TRPM6: variants seen among roughly 807,000 people sequenced by gnomAD.
TRPM6 encodes channel kinase 2.
A neutral mutation model predicts 247.6 loss-of-function variants in TRPM6; 111 were observed. The observed-to-expected ratio is 0.45, with a 90% CI of 0.38 to 0.52. TRPM6 has a LOEUF of 0.52. Ranked by LOEUF, TRPM6 falls within the 20% of genes least tolerant of loss-of-function variation. TRPM6 has a pLI of 0.00. For missense variants in TRPM6, 2,126 were observed against 2,421.5 expected, an observed-to-expected ratio of 0.88 and a Z score of 2.56; for synonymous variants, 892 against 853.8, an observed-to-expected ratio of 1.04 and a Z score of -0.78.
intron 3 of TRPM6, among the ~76,000 whole-genome samples, chr9:74,848,577 T>C (rs1405029401): frequency 6.6e-6 from 1 of 152,140 alleles, no homozygotes; most frequent in Admixed American, 6.6e-5. Context: ...GCAGAAAAGG[T>C]GGGACTACTC....
intron 36 of TRPM6, among the ~76,000 whole-genome samples, chr9:74,735,714 T>C (rs1157332578): frequency 1.3e-5 from 2 of 152,130 alleles, no homozygotes; most frequent in Admixed American, 1.3e-4. Flanking sequence ...ATGATGATGA[T>C]TCAGGCCCTC....
intron 11 of TRPM6, 81 bp from the exon 12 acceptor site, chr9:74,812,514 A>T (rs1245479124): frequency 3.8e-6 from 5 of 1,321,834 alleles, no homozygotes; most frequent in Non-Finnish European, 5.4e-6. Flanking sequence ...TTGAACTCAA[A>T]ATTACACAAA....
chr9:74,761,659 G>T, intron 27 of TRPM6, 37 bp downstream of exon 27: 1 of 1,338,974 alleles, frequency 7.5e-7, no homozygotes, highest in Non-Finnish European at 1.1e-6. Context: ...TACCTTGACT[G>T]CTCAAAACCT....
At chr9:74,808,261 T>A in intron 13 of TRPM6, 87 bp from the exon 14 acceptor site, 10 of 1,547,084 alleles carry the variant, frequency 6.5e-6, no homozygotes, top group Non-Finnish European at 2.7e-6. Context: ...ATCAAATTAA[T>A]TGCAAGAAGG....
rs752581641 is a variant in TRPM6, at chr9:74,775,968, G to A, written c.3318C>T (p.Ile1106=). The change falls in exon 24 of 39, where the codon ATC becomes ATT. Residue 1106 remains isoleucine, a synonymous_variant. Transcript: ENST00000360774. ...HEKPWLPPPL[I]LLSHVGLLLR... ...GGAGAAGGCCCACGTGGCTCAGCAG[G>A]ATGAGAGGTGGGGGCAGCCAGGGCT... The A allele has an allele frequency of 6.2e-7, 1 of 1,614,180 alleles. No individual in the cohort carries two copies. Among genetic ancestry groups the A allele is most frequent in the South Asian group, 1.1e-5 (1 of 91,082 alleles).
At chr9:74,747,209 G>C (rs1035028302) in intron 31 of TRPM6, among the ~76,000 whole-genome samples, 1 of 152,104 alleles carries the variant, frequency 6.6e-6, no homozygotes, top group African/African-American at 2.4e-5. Flanking sequence ...GGGTTGGAGT[G>C]GTAGCTTGAA....
chr9:74,829,665 A>G (rs1482865377), intron 6 of TRPM6, among the ~76,000 whole-genome samples: 2 of 152,214 alleles, frequency 1.3e-5, no homozygotes, highest in African/African-American at 4.8e-5. Context: ...TTACCTTTAT[A>G]ATTTCGAAGC....
chr9:74,859,885 G>T lies in TRPM6; in HGVS notation c.34-1137C>A, dbSNP rs114040544. On this transcript the variant is annotated intron_variant, in intron 1 of 38. Coordinates refer to ENST00000360774, the MANE Select transcript of TRPM6 (RefSeq NM_017662.5). The stretch of plus-strand genomic sequence containing the variant: ...GGGAGCTTTTTCAAACTCCACGTCA[G>T]TGCAGTCCCCACCTCACTCATATCT... 1.4e-3 allele frequency among the ~76,000 whole-genome samples: 210 copies of T among 152,224 alleles called. 2 individuals are homozygous for T. Among genetic ancestry groups the T allele is most frequent in the African/African-American group, 4.9e-3 (205 of 41,542 alleles).
At chr9:74,831,229 C>T (rs957131641) in intron 6 of TRPM6, among the ~76,000 whole-genome samples, 4 of 152,088 alleles carry the variant, frequency 2.6e-5, no homozygotes, top group Admixed American at 6.6e-5. Flanking sequence ...CAGTGGCTCC[C>T]GCCTGTAATC....
intron 20 of TRPM6, 101 bp from the exon 21 acceptor site, chr9:74,786,226 C>T: frequency 7.5e-7 from 1 of 1,336,042 alleles, no homozygotes; most frequent in South Asian, 1.2e-5. Context: ...AAAGAGTAAT[C>T]TAAAACCTGC....
chr9:74,782,745 C>T lies in TRPM6; in HGVS notation c.3028G>A (p.Ala1010Thr). Residue 1010 changes from alanine to threonine, a missense_variant, in exon 22 of 39, where the codon GCT becomes ACT. Transcript: ENST00000360774. The part of the protein sequence containing the change: ...SPKEPPSWSL[A>T]RDIVFEPYWM... ...TATGGCTCAAATACAATATCTCGAG[C>T]TAGACTCCAAGATGGTGGCTCTTTT... 2 of 1,614,176 alleles carry T rather than the reference C, an allele frequency of 1.2e-6. No individual in the cohort carries two copies. Among genetic ancestry groups the T allele is most frequent in the South Asian group, 2.2e-5 (2 of 91,084 alleles).
intron 38 of TRPM6, 34 bp downstream of exon 38, chr9:74,728,205 T>C (rs1415573489): frequency 1.4e-6 from 2 of 1,441,248 alleles, no homozygotes; most frequent in South Asian, 2.3e-5. Flanking sequence ...TATGAGAGAT[T>C]TACTTAGAGA....
intron 1 of TRPM6, among the ~76,000 whole-genome samples, chr9:74,879,023 T>C (rs2118511518): frequency 6.6e-6 from 1 of 152,144 alleles, no homozygotes; most frequent in South Asian, 2.1e-4. Flanking sequence ...TTAAAAAAGT[T>C]TTATTTAAAA....
Position 74,775,910 on chromosome 9 carries a change from C to T in TRPM6, c.3376G>A (p.Asp1126Asn), listed in dbSNP as rs142128314. The stretch of plus-strand genomic sequence containing the variant: ...AATCCAACGTCACCCTCTTCTTGGT[C>T]GTGAGGAGCTCGATGACAGCACAGG... ...RRLCCHRAPH[D>N]QEEGDVGLKL... Residue 1126 changes from aspartate to asparagine, a missense_variant, in exon 24 of 39, where the codon GAC becomes AAC. By Grantham distance (23) the Asp-to-Asn change is conservative. Transcript: ENST00000360774. The T allele has an allele frequency of 2.3e-5, 37 of 1,613,996 alleles. No homozygotes were observed. Among genetic ancestry groups the T allele is most frequent in the Non-Finnish European group, 2.9e-5 (34 of 1,180,026 alleles).
chr9:74,800,231 T>C (rs1342924866), intron 17 of TRPM6, 23 bp downstream of exon 17: 1 of 1,599,224 alleles, frequency 6.3e-7, no homozygotes, highest in East Asian at 2.2e-5. Context: ...TTAAACTCCA[T>C]AAGACAAGTA....
intron 3 of TRPM6, among the ~76,000 whole-genome samples, chr9:74,845,620 C>T (rs1481699747): frequency 6.6e-6 from 1 of 152,044 alleles, no homozygotes; most frequent in Non-Finnish European, 1.5e-5. Flanking sequence ...CGCTTGAGGC[C>T]AAGAGTTCAT....
In TRPM6 at chr9:74,728,228, TAG is replaced by T. The variant is rs746887175; in HGVS notation, c.5935+9_5935+10del. On this transcript the variant is annotated intron_variant, in intron 38 of 38. Coordinates refer to ENST00000360774, the MANE Select transcript of TRPM6 (RefSeq NM_017662.5). ...ATTTACTTAGAGAAAAAAGAACTGTTAGTGGCATACCCGGGAGTTTGAGCTTC... is the reference window on the plus strand; with the variant it reads ...ATTTACTTAGAGAAAAAAGAACTGTTTGGCATACCCGGGAGTTTGAGCTTC... The T allele has an allele frequency of 1.9e-6, 3 of 1,597,210 alleles. No individual in the cohort carries two copies. Among genetic ancestry groups the T allele is most frequent in the Non-Finnish European group, 2.6e-6 (3 of 1,164,682 alleles).
chr9:74,804,939 C>A (rs528207393), intron 14 of TRPM6, among the ~76,000 whole-genome samples: 3 of 151,946 alleles, frequency 2.0e-5, no homozygotes, highest in South Asian at 2.1e-4. Context: ...AGAGGGAGAA[C>A]TTTTTAATAG....
intron 9 of TRPM6, among the ~76,000 whole-genome samples, chr9:74,818,366 G>A (rs1219246758): frequency 7.2e-6 from 1 of 139,596 alleles, no homozygotes; most frequent in African/African-American, 2.7e-5. Context: ...GCAATGGTGC[G>A]ATTTCGGCTC....
Sources: gnomAD v4.1 joint callset for allele counts (sites outside exome capture counted in the v4.1 genomes callset) on GRCh38, gnomAD v4.1.1 for gene constraint, MANE v1.5 for transcripts, NCBI Gene and HGNC (gene_info 2026-07-23, HGNC 2026-07-21) for gene names.